The following ARHGAP5 variants were observed in gnomAD, a reference collection of about 807,000 sequenced individuals.
ARHGAP5 encodes Rho GTPase activating protein 5.
Under a neutral mutation model 116.6 loss-of-function variants are expected in ARHGAP5, and 23 were observed. The ratio of observed to expected loss-of-function variants is 0.20; its 90% confidence interval spans 0.14 to 0.28. ARHGAP5 has a LOEUF of 0.28. Among genes scored for constraint, ARHGAP5 ranks in the 10% least tolerant of loss-of-function variants. The probability of loss-of-function intolerance (pLI) is 1.00; values close to 1 mark genes in which losing one functional copy is unlikely to be tolerated. For synonymous variants in ARHGAP5, 574 were observed against 602.0 expected, an observed-to-expected ratio of 0.95 and a Z score of 0.68; for missense variants, 1,405 against 1,774.8, an observed-to-expected ratio of 0.79 and a Z score of 3.74.
intron 2 of ARHGAP5, among the ~76,000 whole-genome samples, chr14:32,112,585 AT>A (rs1879367143): frequency 6.6e-6 from 1 of 152,140 alleles, no homozygotes; most frequent in Non-Finnish European, 1.5e-5. Flanking sequence ...CAAAAATTGG[AT>A]TTTCGGTAGG....
At chr14:32,137,707 T>A (rs1045040607) in intron 3 of ARHGAP5, among the ~76,000 whole-genome samples, 2 of 152,104 alleles carry the variant, frequency 1.3e-5, no homozygotes, top group African/African-American at 4.8e-5. Flanking sequence ...GTGGGGTGGC[T>A]CACGCCTGTA....
chr14:32,130,197 C>G (rs989020545), intron 3 of ARHGAP5, among the ~76,000 whole-genome samples: 6 of 149,800 alleles, frequency 4.0e-5, no homozygotes, highest in Admixed American at 6.6e-5. Flanking sequence ...GAATCCCTTG[C>G]ATTCATAAGG....
chr14:32,125,620 C>T (rs1368979347), intron 3 of ARHGAP5, among the ~76,000 whole-genome samples: 1 of 152,168 alleles, frequency 6.6e-6, no homozygotes, highest in Non-Finnish European at 1.5e-5. Context: ...CAAATTTCTC[C>T]ATGTTGTTGC....
At chr14:32,135,725 TTTTTAGGTCTAAG>T (rs1388887708) in intron 3 of ARHGAP5, among the ~76,000 whole-genome samples, 3 of 152,212 alleles carry the variant, frequency 2.0e-5, no homozygotes, top group Admixed American at 6.5e-5. Context: ...TCCTGGCCGA[TTTTTAGGTCTAAG>T]TTTTAACCAC....
At position 32,159,058 on chromosome 14, in the gene ARHGAP5, G is replaced by T. The variant is rs890054790; in HGVS notation, c.*4110G>T. 1 of 152,086 alleles carries T rather than the reference G, an allele frequency of 6.6e-6. No individual in the cohort carries two copies. The highest frequency in any genetic ancestry group is 1.9e-4 in the East Asian group (1 of 5,192). 9.4% of individuals were successfully genotyped at this position (152,086 alleles called of 1,614,324 possible). A position where few individuals can be genotyped will look rare whatever the true frequency, so the allele number is the denominator to read the frequency against. On this transcript the variant is annotated 3_prime_UTR_variant, in exon 7 of 7. Transcript: ENST00000345122. ...CTCATATTCACATCTTAATTAAATT[G>T]TGTGAAATTAGTCTTTTGTGGAAAT...
chr14:32,091,936 T>C lies in ARHGAP5; in HGVS notation c.1267T>C (p.Ser423Pro). The part of the protein sequence containing the change: ...VYQNHVQHLI[S>P]EKRRVEMKEK... ...TCAGAACCATGTACAGCATCTGATA[T>C]CCGAGAAGAGGAGGGTGGAAATGAA... Residue 423 changes from serine (S) to proline (P), a missense_variant, in exon 2 of 7, where the codon TCC becomes CCC. Ser to Pro is a moderately conservative substitution (Grantham distance 74). This residue lies in a region of ARHGAP5 where 944 missense variants were observed against 1,095.3 expected (regional missense o/e 0.86). Coordinates refer to ENST00000345122, the MANE Select transcript of ARHGAP5 (RefSeq NM_001030055.2). 1 of 1,613,606 alleles carries C rather than the reference T, an allele frequency of 6.2e-7. No individual in the cohort carries two copies. Among genetic ancestry groups the C allele is most frequent in the Non-Finnish European group, 8.5e-7 (1 of 1,179,664 alleles).
intron 4 of ARHGAP5, among the ~76,000 whole-genome samples, chr14:32,147,030 C>T (rs1276814506): frequency 6.6e-6 from 1 of 152,046 alleles, no homozygotes; most frequent in Non-Finnish European, 1.5e-5. Flanking sequence ...AAATCCATCA[C>T]CAGATTTAGA....
chr14:32,097,685 CATAAT>C (rs1878597094), intron 2 of ARHGAP5, among the ~76,000 whole-genome samples: 1 of 151,976 alleles, frequency 6.6e-6, no homozygotes, highest in African/African-American at 2.4e-5. Flanking sequence ...ACTATTAGCT[CATAAT>C]AATGAGTATC....
intron 2 of ARHGAP5, among the ~76,000 whole-genome samples, chr14:32,098,257 A>G (rs1482911651): frequency 6.6e-6 from 1 of 152,214 alleles, no homozygotes; most frequent in African/African-American, 2.4e-5. Flanking sequence ...ACAGATAGGC[A>G]TATCGACCAA....
intron 3 of ARHGAP5, among the ~76,000 whole-genome samples, chr14:32,144,877 T>C (rs1257768880): frequency 6.6e-6 from 1 of 152,250 alleles, no homozygotes. Flanking sequence ...TTGCACATTG[T>C]ATAATAACTG....
chr14:32,092,424 A>T lies in ARHGAP5; in HGVS notation c.1755A>T (p.Arg585Ser), dbSNP rs773241511. The change falls in exon 2 of 7, where the codon AGA becomes AGT. Residue 585 changes from arginine to serine, a missense_variant. By Grantham distance (110) the Arg-to-Ser change is moderately radical. This residue lies in a region of ARHGAP5 where 944 missense variants were observed against 1,095.3 expected (regional missense o/e 0.86). Coordinates refer to ENST00000345122, the MANE Select transcript of ARHGAP5 (RefSeq NM_001030055.2). The surrounding 1 kb of genome is among the most constrained non-coding windows in gnomAD (Gnocchi z 4.1). ...SLLQLDHGRLRLYHDSTNIDK... is the reference protein window; with the variant it reads ...SLLQLDHGRLSLYHDSTNIDK... The stretch of plus-strand genomic sequence containing the variant: ...TACAGTTGGATCATGGCCGCTTAAG[A>T]TTATATCACGATAGTACCAATATAG... The T allele has an allele frequency of 6.2e-7, 1 of 1,613,650 alleles. No homozygotes were observed. The highest frequency in any genetic ancestry group is 2.2e-5 in the East Asian group (1 of 44,886).
At chr14:32,081,243 T>C (rs1460160183) in intron 1 of ARHGAP5, among the ~76,000 whole-genome samples, 1 of 152,152 alleles carries the variant, frequency 6.6e-6, no homozygotes, top group African/African-American at 2.4e-5. Context: ...GTTACTTGGA[T>C]TACATACTGA....
chr14:32,082,413 A>T (rs1370438776), intron 1 of ARHGAP5, among the ~76,000 whole-genome samples: 3 of 152,236 alleles, frequency 2.0e-5, no homozygotes, highest in Non-Finnish European at 4.4e-5. Flanking sequence ...AAGTGAAATG[A>T]ACCACCATCT....
intron 3 of ARHGAP5, among the ~76,000 whole-genome samples, chr14:32,128,775 T>C (rs945658142): frequency 2.0e-5 from 3 of 152,228 alleles, no homozygotes; most frequent in African/African-American, 7.2e-5. Context: ...TTGCTAGTAT[T>C]TTGTTGAAGA....
At chr14:32,136,869 C>G (rs1281980410) in intron 3 of ARHGAP5, among the ~76,000 whole-genome samples, 5 of 151,724 alleles carry the variant, frequency 3.3e-5, no homozygotes, top group Non-Finnish European at 5.9e-5. Context: ...TCATGTGTGT[C>G]TTGGCCATTT....
rs1306719130 is a variant in ARHGAP5 at position 32,077,339 on chromosome 14, C to G, written c.-265C>G. 1 of 552,526 alleles carries G rather than the reference C, an allele frequency of 1.8e-6. No individual in the cohort carries two copies. Among genetic ancestry groups the G allele is most frequent in the Non-Finnish European group, 3.4e-6 (1 of 294,944 alleles). 34.2% of individuals were successfully genotyped at this position (552,526 alleles called of 1,614,324 possible). A position where few individuals can be genotyped will look rare whatever the true frequency, so the allele number is the denominator to read the frequency against. On this transcript the variant is annotated 5_prime_UTR_variant, in exon 1 of 7. Transcript: ENST00000345122. ...GGCGAGCGGAGAGTGGAGGAGGAGG[C>G]GGCGGCGGCGGGAGCGGTCCCCAGG... is the stretch of plus-strand genomic sequence containing the variant.
intron 1 of ARHGAP5, among the ~76,000 whole-genome samples, chr14:32,078,808 A>G (rs183629136): frequency 6.6e-6 from 1 of 152,334 alleles, no homozygotes; most frequent in African/African-American, 2.4e-5. Context: ...TGTTTGGTTT[A>G]AAAATACGTT....
intron 3 of ARHGAP5, among the ~76,000 whole-genome samples, chr14:32,144,747 G>T (rs151052111): frequency 8.1e-4 from 124 of 152,270 alleles, no homozygotes; most frequent in African/African-American, 3.0e-3. Flanking sequence ...GCTTCCCAAA[G>T]TGCTGGGATT....
At chr14:32,099,897 A>G (rs1015722002) in intron 2 of ARHGAP5, among the ~76,000 whole-genome samples, 2 of 152,290 alleles carry the variant, frequency 1.3e-5, no homozygotes, top group East Asian at 1.9e-4. Flanking sequence ...ATTCTTACCA[A>G]TCAGAAGCCT....
Sources: gnomAD v4.1 joint callset for allele counts (sites outside exome capture counted in the v4.1 genomes callset) on GRCh38, gnomAD v4.1.1 for gene constraint, gnomAD v4.1.1 regional missense constraint, Gnocchi (gnomAD v3.1) non-coding constraint, MANE v1.5 for transcripts, NCBI Gene and HGNC (gene_info 2026-07-23, HGNC 2026-07-21) for gene names.